RBM24: variants seen among roughly 807,000 people sequenced by gnomAD.
RBM24 encodes the protein RNA-binding protein 24.
In RBM24, 5 loss-of-function variants were observed where a neutral mutation model predicts 23.6. The ratio of observed to expected loss-of-function variants is 0.21; its 90% CI spans 0.11 to 0.45. The LOEUF (loss-of-function observed/expected upper bound fraction) is 0.45, where lower values mean the gene tolerates loss of function less well. RBM24 is among the 20% of genes least tolerant of loss of function. The pLI is 0.99. For synonymous variants in RBM24, 151 were observed against 129.5 expected, an observed-to-expected ratio of 1.17 and a Z score of -1.13; for missense variants, 252 against 314.6, an observed-to-expected ratio of 0.80 and a Z score of 1.51.
intron 3 of RBM24, chr6:17,289,943 A>T: frequency 7.8e-7 from 1 of 1,283,970 alleles, no homozygotes; most frequent in Admixed American, 2.3e-5. Context: ...GACCTGCAGC[A>T]AAGTTCTGAG....
chr6:17,291,049 T>C (rs754123792), intron 3 of RBM24, among the ~76,000 whole-genome samples: 12 of 152,238 alleles, frequency 7.9e-5, no homozygotes, highest in Non-Finnish European at 1.6e-4. Context: ...CAGAGTGAGC[T>C]GCACTACAGT....
rs1359927030 is a variant in RBM24, at chr6:17,292,259, T to C, written c.*140T>C. On this transcript the variant is annotated 3_prime_UTR_variant, in exon 4 of 4. Coordinates refer to ENST00000379052, the MANE Select transcript of RBM24 (RefSeq NM_001143942.2). ...ATGCTATTGTGAAGCAGAGTTATTA[T>C]TTTTTTTATACTCCAGGTAGTGTTC... is the stretch of plus-strand genomic sequence containing the variant. 3 of 747,060 alleles carry C rather than the reference T, an allele frequency of 4.0e-6. No homozygotes were observed. Among genetic ancestry groups the C allele is most frequent in the Non-Finnish European group, 5.9e-6 (3 of 507,848 alleles). 46.3% of individuals were successfully genotyped at this position (747,060 alleles called of 1,614,324 possible).
chr6:17,293,085 G>A lies in RBM24; in HGVS notation c.*966G>A, dbSNP rs1215762465. ...CCTTTTTAAGTAATTTTACACTTTA[G>A]TATCTATTTCAGAGTCATATTTAAA... On this transcript the variant is annotated 3_prime_UTR_variant, in exon 4 of 4. Coordinates refer to ENST00000379052, the MANE Select transcript of RBM24 (RefSeq NM_001143942.2). The A allele has an allele frequency of 6.6e-6, 1 of 152,136 alleles. No homozygotes were observed. The highest frequency in any genetic ancestry group is 6.6e-5 in the Admixed American group (1 of 15,260). The allele number at this position is 152,136 out of a possible 1,614,324, so 9.4% of individuals were successfully genotyped here. A position where few individuals can be genotyped will look rare whatever the true frequency, so the allele number is the denominator to read the frequency against.
intron 3 of RBM24, among the ~76,000 whole-genome samples, chr6:17,285,521 G>C (rs1760168944): frequency 6.6e-6 from 1 of 152,018 alleles, no homozygotes; most frequent in Non-Finnish European, 1.5e-5. Flanking sequence ...TCAGAATACA[G>C]ATTCATTGCT....
At position 17,285,992 on chromosome 6, in the gene RBM24, A is replaced by C. The variant is rs183976796; in HGVS notation, c.347+1281A>C. ...TAATTTCTCCTCTAGCTTAGGACCTAAAACATCTACCTGTGTAACCTGGAA... is the reference window on the plus strand; with the variant it reads ...TAATTTCTCCTCTAGCTTAGGACCTCAAACATCTACCTGTGTAACCTGGAA... On this transcript the variant is annotated intron_variant, in intron 3 of 3. Coordinates refer to ENST00000379052, the MANE Select transcript of RBM24 (RefSeq NM_001143942.2). 9.8e-5 allele frequency among the ~76,000 whole-genome samples: 15 copies of C among 152,304 alleles called. No individual in the cohort carries two copies. In the East Asian group the frequency reaches 2.3e-3, roughly 24 times the overall value.
rs1055677894 is a variant in RBM24, at chr6:17,282,249, C to T, written c.168+500C>T. On this transcript the variant is annotated intron_variant, in intron 1 of 3. Coordinates refer to ENST00000379052, the MANE Select transcript of RBM24 (RefSeq NM_001143942.2). ...GTTCTTTTAAATCATGATCCTAGGG[C>T]TCTTTGCCGAACTGAAACAGAGCAT... 1.0e-5 allele frequency: 13 copies of T among 1,290,498 alleles called. No individual in the cohort carries two copies. In the East Asian group the frequency reaches 3.3e-4, roughly 33 times the overall value. The allele number at this position is 1,290,498 out of a possible 1,614,324, so 79.9% of individuals were successfully genotyped here. A position where few individuals can be genotyped will look rare whatever the true frequency, so the allele number is the denominator to read the frequency against.
chr6:17,290,775 G>A, intron 3 of RBM24: 1 of 967,134 alleles, frequency 1.0e-6, no homozygotes, highest in South Asian at 1.4e-5. Flanking sequence ...GAAATATTTA[G>A]TTGTACTTCC....
intron 3 of RBM24, chr6:17,288,317 G>A: frequency 1.0e-6 from 1 of 985,404 alleles, no homozygotes; most frequent in Non-Finnish European, 1.2e-6. Flanking sequence ...TAAGAGAGAC[G>A]AACATCAGGA....
chr6:17,288,202 T>G, intron 3 of RBM24: 2 of 981,916 alleles, frequency 2.0e-6, no homozygotes, highest in Non-Finnish European at 2.4e-6. Flanking sequence ...AGCTGCAGTC[T>G]TTCCTCTTTG....
chr6:17,285,349 C>G (rs1372745794), intron 3 of RBM24, among the ~76,000 whole-genome samples: 2 of 151,480 alleles, frequency 1.3e-5, no homozygotes, highest in East Asian at 3.9e-4. Context: ...GGAAGGGGCT[C>G]TTTGCGTTTT....
At chr6:17,283,763 A>G (rs984624027) in intron 2 of RBM24, among the ~76,000 whole-genome samples, 1 of 152,198 alleles carries the variant, frequency 6.6e-6, no homozygotes, top group Non-Finnish European at 1.5e-5. Flanking sequence ...TTAGCAATCA[A>G]AGAAAACAGA....
At chr6:17,288,707 G>T (rs1760268071) in intron 3 of RBM24, 2 of 975,628 alleles carry the variant, frequency 2.0e-6, no homozygotes, top group East Asian at 2.3e-4. Flanking sequence ...ATGAATAAAG[G>T]GCAAGAATCT....
In RBM24 at chr6:17,293,163, A is replaced by G. The variant is rs766962971; in HGVS notation, c.*1044A>G. On this transcript the variant is annotated 3_prime_UTR_variant, in exon 4 of 4. Transcript: ENST00000379052. ...AGACAACAAGGTTACTGAGATTACA[A>G]TTCTTCAAAGGTTAATGATAATGTG... The G allele has an allele frequency of 1.8e-4, 27 of 152,618 alleles. No individual in the cohort carries two copies. Among genetic ancestry groups the G allele is most frequent in the Admixed American group, 4.6e-4 (7 of 15,278 alleles). The allele number at this position is 152,618 out of a possible 1,614,324, so 9.5% of individuals were successfully genotyped here.
chr6:17,283,308 G>A (rs994769888), intron 2 of RBM24, among the ~76,000 whole-genome samples: 5 of 152,124 alleles, frequency 3.3e-5, no homozygotes, highest in African/African-American at 1.2e-4. Flanking sequence ...TCCCTACTTA[G>A]TGGTGTCTCT....
intron 3 of RBM24, among the ~76,000 whole-genome samples, chr6:17,287,772 G>A (rs1760239760): frequency 6.6e-6 from 1 of 151,806 alleles, no homozygotes; most frequent in African/African-American, 2.4e-5. Context: ...TTGTGCCACT[G>A]CACTCCAGCC....
At chr6:17,286,251 C>G (rs1296785726) in intron 3 of RBM24, among the ~76,000 whole-genome samples, 3 of 146,230 alleles carry the variant, frequency 2.1e-5, no homozygotes, top group African/African-American at 2.6e-5. Context: ...AAAGGGCCTT[C>G]CTATATCCAT....
chr6:17,291,053 C>T (rs1760342713), intron 3 of RBM24, among the ~76,000 whole-genome samples: 1 of 152,238 alleles, frequency 6.6e-6, no homozygotes, highest in South Asian at 2.1e-4. Context: ...GTGAGCTGCA[C>T]TACAGTTCGT....
At chr6:17,290,507 G>A (rs184939434) in intron 3 of RBM24, among the ~76,000 whole-genome samples, 79 of 152,170 alleles carry the variant, frequency 5.2e-4, no homozygotes, top group African/African-American at 1.7e-3. Context: ...TTTAAGTAAC[G>A]TCATTGGAGT....
intron 3 of RBM24, among the ~76,000 whole-genome samples, chr6:17,287,454 G>A (rs1218276401): frequency 6.6e-6 from 1 of 152,164 alleles, no homozygotes; most frequent in African/African-American, 2.4e-5. Flanking sequence ...GTTGAAAGAA[G>A]CATTTCCTTA....
Sources: allele counts gnomAD v4.1 joint callset (sites outside exome capture counted in the v4.1 genomes callset), GRCh38; gene constraint gnomAD v4.1.1; transcripts MANE v1.5; gene names NCBI Gene and HGNC (gene_info 2026-07-23, HGNC 2026-07-21).